The following ANKRD30A variants were observed in gnomAD, a reference collection of about 807,000 sequenced individuals.
The protein encoded by ANKRD30A is ankyrin repeat domain-containing protein 30A.
In ANKRD30A, 170 loss-of-function variants were observed where a neutral mutation model predicts 166.3. The ratio of observed to expected loss-of-function variants is 1.02; its 90% CI spans 0.90 to 1.16. The LOEUF is 1.16. Among genes scored for constraint, ANKRD30A ranks in the 50% most tolerant of loss-of-function variants. ANKRD30A has a pLI of 0.00. For synonymous variants in ANKRD30A, 564 were observed against 508.9 expected, an observed-to-expected ratio of 1.11 and a Z score of -1.46; for missense variants, 1,630 against 1,518.0, an observed-to-expected ratio of 1.07 and a Z score of -1.23.
chr10:37,256,062 C>G, the ANKRD30A span, among the ~76,000 whole-genome samples: 2 of 152,144 alleles, frequency 1.3e-5, no homozygotes, highest in Non-Finnish European at 2.9e-5. Context: ...TTGGGCTCAT[C>G]AAGCGCTGTC....
intron 27 of ANKRD30A, among the ~76,000 whole-genome samples, chr10:37,193,519 T>C (rs1364467204): frequency 6.6e-6 from 1 of 152,010 alleles, no homozygotes; most frequent in African/African-American, 2.4e-5. Context: ...CAATTTGCAA[T>C]TTCTGTACGC....
Position 37,216,018 on chromosome 10 carries a change from G to T in ANKRD30A, c.2870-163G>T, listed in dbSNP as rs563242045. ...TATTTTAAGCTAAACAAGAGGAGAG[G>T]TTTTTTTTTTTTCTGTTTAATCTGC... On this transcript the variant is annotated intron_variant, in intron 31 of 35. Coordinates refer to ENST00000361713, the MANE Select transcript of ANKRD30A (RefSeq NM_052997.3). Among the ~76,000 whole-genome samples, 15 of 144,542 alleles carry T rather than the reference G, an allele frequency of 1.0e-4. No homozygotes were observed. The Admixed American group carries it at 1.0e-3, about 10-fold the overall frequency. 94.8% of individuals were successfully genotyped at this position (144,542 alleles called of 152,430 possible). A position where few individuals can be genotyped will look rare whatever the true frequency, so the allele number is the denominator to read the frequency against.
chr10:37,213,218 T>TGGAAGC, intron 31 of ANKRD30A, among the ~76,000 whole-genome samples: 1 of 152,002 alleles, frequency 6.6e-6, no homozygotes, highest in East Asian at 1.9e-4. Context: ...CTCACCATTG[T>TGGAAGC]GGAAGCTGCA....
chr10:37,218,601 C>G (rs2132740398), intron 33 of ANKRD30A, among the ~76,000 whole-genome samples: 1 of 151,076 alleles, frequency 6.6e-6, no homozygotes, highest in Non-Finnish European at 1.5e-5. Flanking sequence ...ATATGCAGCA[C>G]TAAGATTCTT....
rs763468711 is a variant in ANKRD30A, at chr10:37,142,246, T to C, written c.1349T>C (p.Ile450Thr). The C allele has an allele frequency of 3.1e-6, 5 of 1,601,890 alleles. No individual in the cohort carries two copies. Among genetic ancestry groups the C allele is most frequent in the East Asian group, 4.5e-5 (2 of 44,836 alleles). Residue 450 changes from isoleucine to threonine, a missense_variant, in exon 7 of 36, where the codon ATT becomes ACT. Transcript: ENST00000361713. The stretch of plus-strand genomic sequence containing the variant: ...TTGGAAAAAGGAAGATCTAAGATGA[T>C]TGCATGTCCTACAAAAGAATCATCT... The part of the protein sequence containing the change: ...KVLEKGRSKM[I>T]ACPTKESSTK...
At chr10:37,250,961 A>T in the ANKRD30A span, among the ~76,000 whole-genome samples, 1 of 152,206 alleles carries the variant, frequency 6.6e-6, no homozygotes, top group Non-Finnish European at 1.5e-5. Flanking sequence ...ATCCCCTATA[A>T]GGTGGACAGC....
chr10:37,128,513 T>A (rs1223460900), intron 1 of ANKRD30A, among the ~76,000 whole-genome samples: 1 of 151,986 alleles, frequency 6.6e-6, no homozygotes, highest in Non-Finnish European at 1.5e-5. Context: ...TACATATACG[T>A]CAATAACTAC....
At chr10:37,254,681 T>G in the ANKRD30A span, among the ~76,000 whole-genome samples, 2 of 149,988 alleles carry the variant, frequency 1.3e-5, no homozygotes, top group African/African-American at 4.9e-5. Context: ...TTCTTTTCTT[T>G]TCTTTTTTTT....
intron 18 of ANKRD30A, 42 bp downstream of exon 18, chr10:37,165,197 G>T (rs1216774860): frequency 6.5e-7 from 1 of 1,527,314 alleles, no homozygotes; most frequent in South Asian, 1.1e-5. Flanking sequence ...AGTATTGCAT[G>T]ATATGAAAAC....
chr10:37,141,503 G>T lies in ANKRD30A; in HGVS notation c.821-215G>T, dbSNP rs1297336936. 2.1e-5 allele frequency among the ~76,000 whole-genome samples: 3 copies of T among 146,044 alleles called. No individual in the cohort carries two copies. The East Asian group carries it at 6.0e-4, about 29-fold the overall frequency. On this transcript the variant is annotated intron_variant, in intron 6 of 35. Transcript: ENST00000361713. ...GAGAATCGCTTGAGGTAGGAGAATT[G>T]CTTGAATTGCATTGAGCTGAGATCA... is the stretch of plus-strand genomic sequence containing the variant.
chr10:37,198,244 T>C (rs1841317812), intron 29 of ANKRD30A, among the ~76,000 whole-genome samples: 1 of 152,118 alleles, frequency 6.6e-6, no homozygotes, highest in African/African-American at 2.4e-5. Flanking sequence ...TACAATTTTT[T>C]TCAACTTCTA....
the ANKRD30A span, among the ~76,000 whole-genome samples, chr10:37,239,373 A>G: frequency 2.6e-5 from 4 of 152,142 alleles, no homozygotes; most frequent in African/African-American, 7.2e-5. Context: ...AGAAATATCA[A>G]TCATAATGTA....
the ANKRD30A span, among the ~76,000 whole-genome samples, chr10:37,265,099 ATC>A: frequency 6.6e-6 from 1 of 152,222 alleles, no homozygotes; most frequent in Non-Finnish European, 1.5e-5. Context: ...ATGAACCAGC[ATC>A]TCTCATTGTT....
At chr10:37,204,136 A>G (rs532936551) in intron 31 of ANKRD30A, among the ~76,000 whole-genome samples, 10 of 152,274 alleles carry the variant, frequency 6.6e-5, no homozygotes, top group East Asian at 5.8e-4. Context: ...TGGAAAAACT[A>G]CTTTAAAGTT....
chr10:37,157,041 A>G (rs1838436300), intron 13 of ANKRD30A, among the ~76,000 whole-genome samples: 1 of 152,212 alleles, frequency 6.6e-6, no homozygotes, highest in African/African-American at 2.4e-5. Flanking sequence ...TAAATATATT[A>G]AAGCATGTCA....
chr10:37,156,063 A>G (rs1838356653), intron 13 of ANKRD30A, among the ~76,000 whole-genome samples: 1 of 150,816 alleles, frequency 6.6e-6, no homozygotes, highest in Admixed American at 6.6e-5. Context: ...TCTGGGCAAC[A>G]GAGTGATACG....
chr10:37,191,356 G>A (rs1160308160), intron 25 of ANKRD30A, among the ~76,000 whole-genome samples: 1 of 151,968 alleles, frequency 6.6e-6, no homozygotes, highest in Non-Finnish European at 1.5e-5. Flanking sequence ...CTGATGAGAT[G>A]TCAATTCTAC....
rs1369093270 is a variant in ANKRD30A at position 37,145,112 on chromosome 10, AAT to A, written c.1455+60_1455+61del. On this transcript the variant is annotated intron_variant, in intron 8 of 35. Coordinates refer to ENST00000361713, the MANE Select transcript of ANKRD30A (RefSeq NM_052997.3). ...AAATATTAATATTGAGTGATGTGAA[AAT>A]ATAAAGTCAGAGGCTTTGACTTGGT... is the stretch of plus-strand genomic sequence containing the variant. The A allele has an allele frequency of 1.5e-4, 205 of 1,360,334 alleles. 1 individual carries two copies. The East Asian group carries it at 4.9e-3, about 33-fold the overall frequency. The allele number at this position is 1,360,334 out of a possible 1,614,324, so 84.3% of individuals were successfully genotyped here.
In ANKRD30A at chr10:37,162,860, A is replaced by G. The variant is rs555235106; in HGVS notation, c.2002+12A>G. 1.2e-5 allele frequency: 20 copies of G among 1,611,462 alleles called. No homozygotes were observed. Among genetic ancestry groups the G allele is most frequent in the East Asian group, 8.9e-5 (4 of 44,844 alleles). On this transcript the variant is annotated intron_variant, in intron 17 of 35. Coordinates refer to ENST00000361713, the MANE Select transcript of ANKRD30A (RefSeq NM_052997.3). ...AACATTGAGAGCAGGTAAATTTTTCAATGTAACTATGGAAAGACCAATATT... is the reference window on the plus strand; with the variant it reads ...AACATTGAGAGCAGGTAAATTTTTCGATGTAACTATGGAAAGACCAATATT...
Sources: allele counts gnomAD v4.1 joint callset (sites outside exome capture counted in the v4.1 genomes callset), GRCh38; gene constraint gnomAD v4.1.1; transcripts MANE v1.5; gene names NCBI Gene and HGNC (gene_info 2026-07-23, HGNC 2026-07-21).